The following FAM3B variants were observed in gnomAD, a reference collection of about 807,000 sequenced individuals.
FAM3B encodes protein FAM3B.
In FAM3B, 29 loss-of-function variants were observed where a neutral mutation model predicts 28.4. That is an observed-to-expected ratio of 1.02 (90% CI 0.76 to 1.39). The LOEUF (loss-of-function observed/expected upper bound fraction) is 1.39. Among genes scored for constraint, FAM3B ranks in the 40% most tolerant of loss-of-function variants. The pLI is 0.00. For missense variants in FAM3B, 266 were observed against 293.9 expected, an observed-to-expected ratio of 0.91 and a Z score of 0.69; for synonymous variants, 91 against 103.0, an observed-to-expected ratio of 0.88 and a Z score of 0.71.
intron 1 of FAM3B, among the ~76,000 whole-genome samples, chr21:41,311,267 T>A (rs1467689322): frequency 0.015 from 730 of 47,222 alleles, 20 homozygotes; most frequent in East Asian, 0.051. Context: ...TATATATATA[T>A]ATATATATAT....
chr21:41,347,260 G>A (rs1254466619), intron 6 of FAM3B, among the ~76,000 whole-genome samples, 160 bp downstream of exon 6: 2 of 151,914 alleles, frequency 1.3e-5, no homozygotes, highest in Non-Finnish European at 2.9e-5. Flanking sequence ...AAAATAGATG[G>A]CATTTCTTTA....
intron 7 of FAM3B, among the ~76,000 whole-genome samples, chr21:41,351,254 G>T (rs1346213001): frequency 6.6e-6 from 1 of 152,196 alleles, no homozygotes; most frequent in African/African-American, 2.4e-5. Flanking sequence ...GAGAAATCAA[G>T]AAAAAGACTG....
chr21:41,344,117 C>T (rs546662774), intron 3 of FAM3B, among the ~76,000 whole-genome samples: 1 of 152,274 alleles, frequency 6.6e-6, no homozygotes, highest in African/African-American at 2.4e-5. Context: ...GAGACCCTGT[C>T]TCAATAAATA....
intron 3 of FAM3B, among the ~76,000 whole-genome samples, chr21:41,343,742 G>A (rs554901089): frequency 2.0e-5 from 3 of 152,180 alleles, no homozygotes; most frequent in Admixed American, 2.0e-4. Context: ...ACCATCTCCA[G>A]GTAAGTCATT....
intron 5 of FAM3B, among the ~76,000 whole-genome samples, chr21:41,346,569 G>A (rs1394382337): frequency 6.6e-6 from 1 of 152,060 alleles, no homozygotes; most frequent in Non-Finnish European, 1.5e-5. Flanking sequence ...CAGTGGTCGT[G>A]GTGTGGGTGT....
intron 3 of FAM3B, among the ~76,000 whole-genome samples, chr21:41,338,945 G>T (rs1255221913): frequency 6.6e-6 from 1 of 152,192 alleles, no homozygotes; most frequent in Non-Finnish European, 1.5e-5. Context: ...AAAAAGCGAA[G>T]TTAGACTACT....
intron 7 of FAM3B, among the ~76,000 whole-genome samples, chr21:41,355,613 T>C (rs2089158431): frequency 6.6e-6 from 1 of 152,196 alleles, no homozygotes; most frequent in African/African-American, 2.4e-5. Context: ...ATTCCATTTA[T>C]ATGAAATTTC....
intron 2 of FAM3B, among the ~76,000 whole-genome samples, chr21:41,332,974 C>T (rs1288621230): frequency 1.3e-5 from 2 of 151,688 alleles, no homozygotes; most frequent in African/African-American, 2.4e-5. Context: ...ATTCTGCTAA[C>T]TTTGGGCTTA....
intron 7 of FAM3B, among the ~76,000 whole-genome samples, chr21:41,352,698 G>C (rs1038023313): frequency 6.6e-6 from 1 of 152,094 alleles, no homozygotes; most frequent in Non-Finnish European, 1.5e-5. Context: ...GGAGGCTGAG[G>C]CAGGAGAATC....
intron 2 of FAM3B, among the ~76,000 whole-genome samples, chr21:41,325,362 A>T (rs2088846808): frequency 6.6e-6 from 1 of 152,216 alleles, no homozygotes; most frequent in African/African-American, 2.4e-5. Context: ...TCAAAATGCC[A>T]TATGCAAACA....
At chr21:41,346,292 TTTTTATA>T (rs2089059058) in intron 5 of FAM3B, 1 of 153,038 alleles carries the variant, frequency 6.5e-6, no homozygotes, top group Non-Finnish European at 1.5e-5. Flanking sequence ...CAAAAACAAG[TTTTTATA>T]AAGATAGTGA....
rs751996745 is a variant in FAM3B, at chr21:41,357,354, C to T, written c.*157C>T. 11 of 443,698 alleles carry T rather than the reference C, an allele frequency of 2.5e-5. No individual in the cohort carries two copies. Among genetic ancestry groups the T allele is most frequent in the Non-Finnish European group, 4.6e-5 (11 of 241,744 alleles). 27.5% of individuals were successfully genotyped at this position (443,698 alleles called of 1,614,324 possible). ...TTGCTAGTTGTATCAAATCTTGGTA[C>T]GCAGTATTTTTATACCAGTATTTTA... On this transcript the variant is annotated 3_prime_UTR_variant, in exon 8 of 8. Transcript: ENST00000357985.
At chr21:41,327,667 G>T (rs1264877248) in intron 2 of FAM3B, among the ~76,000 whole-genome samples, 2 of 152,224 alleles carry the variant, frequency 1.3e-5, no homozygotes, top group Non-Finnish European at 2.9e-5. Flanking sequence ...CCCTCATGGT[G>T]GGGATCTTCT....
Position 41,323,010 on chromosome 21 carries a change from C to T in FAM3B, c.107C>T (p.Pro36Leu), listed in dbSNP as rs776041743. 1 of 1,610,442 alleles carries T rather than the reference C, an allele frequency of 6.2e-7. No individual in the cohort carries two copies. Among genetic ancestry groups the T allele is most frequent in the South Asian group, 1.1e-5 (1 of 91,078 alleles). ...CTCGCAGAGCTCATTCCAGATGCACCCCTGTCCAGTGCTGCCTATAGCATC... is the reference window on the plus strand; with the variant it reads ...CTCGCAGAGCTCATTCCAGATGCACTCCTGTCCAGTGCTGCCTATAGCATC... ...YLLAELIPDA[P>L]LSSAAYSIRS... is the part of the protein sequence containing the mutation. Residue 36 changes from proline to leucine, a missense_variant, in exon 2 of 8, where the codon CCC becomes CTC. Transcript: ENST00000357985.
At chr21:41,324,521 A>G (rs1253618648) in intron 2 of FAM3B, among the ~76,000 whole-genome samples, 3 of 152,342 alleles carry the variant, frequency 2.0e-5, no homozygotes, top group African/African-American at 7.2e-5. Context: ...ACTGATCACT[A>G]TGTTCTTTAC....
chr21:41,335,146 G>A lies in FAM3B; in HGVS notation c.164-3232G>A, dbSNP rs190526012. Among the ~76,000 whole-genome samples the A allele has an allele frequency of 3.3e-5, 5 of 152,310 alleles. No individual in the cohort carries two copies. The East Asian group carries it at 7.7e-4, about 24-fold the overall frequency. On this transcript the variant is annotated intron_variant, in intron 2 of 7. Coordinates refer to ENST00000357985, the MANE Select transcript of FAM3B (RefSeq NM_058186.4). ...TTTTTGATTTTACAGGCTTGTAGGT[G>A]GAAGAGATTTGCCTTGTCCCAGATG...
At chr21:41,331,947 A>T (rs2088909641) in intron 2 of FAM3B, among the ~76,000 whole-genome samples, 1 of 152,130 alleles carries the variant, frequency 6.6e-6, no homozygotes, top group Non-Finnish European at 1.5e-5. Flanking sequence ...GCAAGGACAG[A>T]TCCCACTTGG....
chr21:41,317,285 C>A (rs1367458462), intron 1 of FAM3B, among the ~76,000 whole-genome samples: 4 of 149,922 alleles, frequency 2.7e-5, no homozygotes, highest in African/African-American at 9.7e-5. Flanking sequence ...CACGCTTCTC[C>A]TTCCGGGGAA....
intron 1 of FAM3B, among the ~76,000 whole-genome samples, chr21:41,307,706 A>G (rs2088689513): frequency 6.6e-6 from 1 of 152,196 alleles, no homozygotes; most frequent in African/African-American, 2.4e-5. Context: ...GAGATGGGGA[A>G]TAGCTGGTTA....
Sources: allele counts gnomAD v4.1 joint callset (sites outside exome capture counted in the v4.1 genomes callset), GRCh38; gene constraint gnomAD v4.1.1; transcripts MANE v1.5; gene names NCBI Gene and HGNC (gene_info 2026-07-23, HGNC 2026-07-21).